PRKDC: variants seen among roughly 807,000 people sequenced by gnomAD.
PRKDC encodes the protein DNA-dependent protein kinase catalytic subunit.
A neutral mutation model predicts 486.9 loss-of-function variants in PRKDC; 82 were observed. The observed-to-expected ratio is 0.17, with a 90% CI of 0.14 to 0.20. The LOEUF is 0.20. Among genes scored for constraint, PRKDC ranks in the 10% least tolerant of loss-of-function variants. The pLI is 1.00. For missense variants in PRKDC, 4,504 were observed against 5,038.2 expected (o/e 0.89, Z 3.21); for synonymous variants, 1,895 against 1,837.0 (o/e 1.03, Z -0.81).
At chr8:47,888,497 A>G in intron 34 of PRKDC, 21 bp downstream of exon 34, 1 of 1,485,050 alleles carries the variant, frequency 6.7e-7, no homozygotes, top group Non-Finnish European at 9.0e-7. Context: ...AATAAATGTA[A>G]AAACAATAAG....
In PRKDC at chr8:47,855,815, C is replaced by T. The variant is rs547507308; in HGVS notation, c.6610-442G>A. Among the ~76,000 whole-genome samples, 443 of 152,322 alleles carry T rather than the reference C, an allele frequency of 2.9e-3. 3 individuals are homozygous for T. Among genetic ancestry groups the T allele is most frequent in the African/African-American group, 0.01 (432 of 41,568 alleles). On this transcript the variant is annotated intron_variant, in intron 49 of 85. Coordinates refer to ENST00000314191, the MANE Select transcript of PRKDC (RefSeq NM_006904.7). ...TGTTCAGGGCCTCTCAATGGTGAGA[C>T]GGCCCTTGTCTGTGCTAATCCATCT...
At chr8:47,826,305 A>G (rs2087737043) in intron 63 of PRKDC, among the ~76,000 whole-genome samples, 1 of 152,212 alleles carries the variant, frequency 6.6e-6, no homozygotes, top group Non-Finnish European at 1.5e-5. Context: ...ATCTTCCTCC[A>G]TTCAGTGTAG....
rs758419819 is a variant in PRKDC at position 47,859,708 on chromosome 8, C to G, written c.6110G>C (p.Ser2037Thr). The G allele has an allele frequency of 3.7e-6, 6 of 1,613,672 alleles. No homozygotes were observed. In the African/African-American group the frequency reaches 8.0e-5, roughly 22 times the overall value. Residue 2037 changes from serine (S) to threonine (T), a missense_variant, in exon 46 of 86, where the codon AGT becomes ACT. By Grantham distance (58) the Ser-to-Thr change is moderately conservative. Coordinates refer to ENST00000314191, the MANE Select transcript of PRKDC (RefSeq NM_006904.7). ...GAAATCAAATTGACTCATTTCCTCA[C>G]TCAGGGTACTGTCTGCCAAATATGA... ...SLSYLADSTL[S>T]EEMSQFDFST...
chr8:47,944,062 G>A lies in PRKDC; in HGVS notation c.722-33C>T, dbSNP rs1309618935. ...AATACCAAGAAGCCTGTTACAAATCGTAATAACAGTATCACATAACACACT... is the reference window on the plus strand; with the variant it reads ...AATACCAAGAAGCCTGTTACAAATCATAATAACAGTATCACATAACACACT... On this transcript the variant is annotated intron_variant, in intron 7 of 85. Coordinates refer to ENST00000314191, the MANE Select transcript of PRKDC (RefSeq NM_006904.7). The A allele has an allele frequency of 1.0e-5, 15 of 1,495,974 alleles. No homozygotes were observed. The Admixed American group carries it at 1.2e-4, about 12-fold the overall frequency. The allele number at this position is 1,495,974 out of a possible 1,614,324, so 92.7% of individuals were successfully genotyped here.
At chr8:47,864,796 C>G (rs2088768697) in intron 40 of PRKDC, 33 bp from the exon 41 acceptor site, 1 of 1,495,860 alleles carries the variant, frequency 6.7e-7, no homozygotes, top group East Asian at 2.4e-5. Flanking sequence ...TATGAACATC[C>G]CTGCTTTGAA....
intron 74 of PRKDC, among the ~76,000 whole-genome samples, chr8:47,791,823 C>G (rs764980815): frequency 2.0e-5 from 3 of 152,112 alleles, no homozygotes; most frequent in Non-Finnish European, 4.4e-5. Context: ...ACTAGAAGTA[C>G]CATATAATCC....
Position 47,794,757 on chromosome 8 carries a change from A to T in PRKDC, c.10459-256T>A, listed in dbSNP as rs149539883. Among the ~76,000 whole-genome samples the T allele has an allele frequency of 3.3e-5, 5 of 152,360 alleles. No individual in the cohort carries two copies. The East Asian group carries it at 9.6e-4, about 29-fold the overall frequency. On this transcript the variant is annotated intron_variant, in intron 73 of 85. Transcript: ENST00000314191. ...CTGCTGGTTGTTCTTAGACAGATGT[A>T]TAGAAAAATCTTCTACTTCATTCCT...
At chr8:47,781,016 G>A (rs1198485278) in intron 80 of PRKDC, among the ~76,000 whole-genome samples, 1 of 152,210 alleles carries the variant, frequency 6.6e-6, no homozygotes, top group Admixed American at 6.5e-5. Context: ...GAAGTGCCCT[G>A]TAAAAAGGCA....
chr8:47,840,525 G>A (rs910831258), intron 54 of PRKDC, among the ~76,000 whole-genome samples: 2 of 152,202 alleles, frequency 1.3e-5, no homozygotes, highest in African/African-American at 4.8e-5. Context: ...AAGGGGGAAA[G>A]TTGGGTAAAG....
intron 71 of PRKDC, among the ~76,000 whole-genome samples, chr8:47,800,096 T>C (rs1401612825): frequency 3.9e-5 from 6 of 152,026 alleles, no homozygotes; most frequent in African/African-American, 1.2e-4. Context: ...GTGCGTGCCA[T>C]CCCATTACTG....
At chr8:47,901,028 C>T (rs531503171) in intron 27 of PRKDC, among the ~76,000 whole-genome samples, 2 of 151,636 alleles carry the variant, frequency 1.3e-5, no homozygotes, top group Non-Finnish European at 2.9e-5. Context: ...GTGGTGCACA[C>T]CTGTGGTCCC....
intron 70 of PRKDC, 144 bp from the exon 71 acceptor site, chr8:47,801,130 G>A (rs1204968681): frequency 6.2e-6 from 5 of 808,748 alleles, no homozygotes; most frequent in African/African-American, 3.5e-5. Flanking sequence ...GGAGTGCAAC[G>A]ACACGATTTT....
At chr8:47,895,673 T>G (rs1348326504) in intron 30 of PRKDC, among the ~76,000 whole-genome samples, 2 of 152,102 alleles carry the variant, frequency 1.3e-5, no homozygotes, top group Non-Finnish European at 2.9e-5. Flanking sequence ...CTTCAATGAC[T>G]AATTTCACAA....
At chr8:47,800,514 T>C (rs910693710) in intron 71 of PRKDC, among the ~76,000 whole-genome samples, 16 of 151,958 alleles carry the variant, frequency 1.1e-4, no homozygotes, top group Admixed American at 8.5e-4. Context: ...TGCTAAATGA[T>C]GAGTTAATGG....
chr8:47,849,438 C>T lies in PRKDC; in HGVS notation c.7071G>A (p.Glu2357=), dbSNP rs991589731. The T allele has an allele frequency of 4.3e-6, 7 of 1,614,022 alleles. No homozygotes were observed. The highest frequency in any genetic ancestry group is 2.2e-5 in the East Asian group (1 of 44,886). ...TGTTCAAGCACACAATAAACTTGTC[C>T]TCCATAGTATTCTGATGTTGCTTCA... ...KQLKQHQNTM[E]DKFIVCLNKV... is the part of the protein sequence containing the mutation. Residue 2357 remains glutamate, a synonymous_variant, in exon 53 of 86, where the codon GAG becomes GAA. Transcript: ENST00000314191.
chr8:47,779,854 C>G (rs2086669004), intron 80 of PRKDC, among the ~76,000 whole-genome samples: 1 of 151,062 alleles, frequency 6.6e-6, no homozygotes, highest in African/African-American at 2.4e-5. Context: ...TCCCAAAGTG[C>G]TGGGATTACA....
intron 68 of PRKDC, among the ~76,000 whole-genome samples, 181 bp downstream of exon 68, chr8:47,817,269 A>G (rs1356495053): frequency 6.6e-6 from 1 of 152,148 alleles, no homozygotes; most frequent in Non-Finnish European, 1.5e-5. Context: ...GGCAAGCGGG[A>G]AAGAGGACAC....
At chr8:47,819,699 T>A (rs1164370777) in intron 66 of PRKDC, among the ~76,000 whole-genome samples, 189 bp from the exon 67 acceptor site, 1 of 152,088 alleles carries the variant, frequency 6.6e-6, no homozygotes, top group Non-Finnish European at 1.5e-5. Context: ...AAAAAAAAAT[T>A]TAAGGTTTCA....
Position 47,937,367 on chromosome 8 carries a change from C to T in PRKDC, c.1114-850G>A, listed in dbSNP as rs2090369731. 2.0e-5 allele frequency among the ~76,000 whole-genome samples: 3 copies of T among 152,312 alleles called. No homozygotes were observed. In the South Asian group the frequency reaches 6.2e-4, roughly 32 times the overall value. The stretch of plus-strand genomic sequence containing the variant: ...CACACAGGAAGCATTTATTGGTTGT[C>T]AGCTATGTTCTAGGCACTGTTTAGA... On this transcript the variant is annotated intron_variant, in intron 11 of 85. Transcript: ENST00000314191.
Sources: allele counts gnomAD v4.1 joint callset (sites outside exome capture counted in the v4.1 genomes callset), GRCh38; gene constraint gnomAD v4.1.1; transcripts MANE v1.5; gene names NCBI Gene and HGNC (gene_info 2026-07-23, HGNC 2026-07-21).